Variants in ZDHHC15 observed in about 807,000 individuals in gnomAD.
ZDHHC15 encodes the protein zDHHC palmitoyltransferase 15, also known as palmitoyltransferase ZDHHC15.
Under a neutral mutation model 31.7 loss-of-function variants are expected in ZDHHC15, and 19 were observed. That is an observed-to-expected ratio of 0.60 (90% CI 0.42 to 0.88). The LOEUF (loss-of-function observed/expected upper bound fraction) is 0.88. Among genes scored for constraint, ZDHHC15 ranks in the 40% least tolerant of loss-of-function variants. ZDHHC15 has a pLI of 0.00. For missense variants in ZDHHC15, 209 were observed against 251.2 expected (o/e 0.83, Z 1.14); for synonymous variants, 103 against 90.0 (o/e 1.14, Z -0.82).
intron 11 of ZDHHC15, among the ~76,000 whole-genome samples, chrX:75,373,926 G>GGTTTTTTTTTTTTTTTTTT (rs2083027725): frequency 2.0e-5 from 1 of 50,456 alleles, no homozygotes; most frequent in African/African-American, 7.6e-5. Context: ...CATTCTTTCT[G>GGTTTTTTTTTTTTTTTTTT]TTTTTTTTTT....
intron 3 of ZDHHC15, among the ~76,000 whole-genome samples, chrX:75,473,895 T>C (rs1176094316): frequency 3.6e-5 from 4 of 112,287 alleles, no homozygotes; most frequent in Admixed American, 9.5e-5. Flanking sequence ...GTTAACTTTA[T>C]GTAATAGCAT....
chrX:75,428,964 A>G, intron 7 of ZDHHC15, 114 bp downstream of exon 7: 1 of 1,008,367 alleles, frequency 9.9e-7, no homozygotes, highest in Middle Eastern at 2.6e-4. Flanking sequence ...TCTTCCAGTT[A>G]CTTCAACAGT....
chrX:75,420,901 TG>T (rs762439687), intron 9 of ZDHHC15, among the ~76,000 whole-genome samples: 20 of 110,364 alleles, frequency 1.8e-4, no homozygotes, highest in Admixed American at 8.8e-4. Context: ...TGCATACCTA[TG>T]TAACAAACCT....
intron 4 of ZDHHC15, among the ~76,000 whole-genome samples, chrX:75,442,427 C>T (rs2083955949): frequency 8.9e-6 from 1 of 111,833 alleles, no homozygotes; most frequent in African/African-American, 3.2e-5. Context: ...CCAAAATCTC[C>T]TTAAGCTGAT....
At position 75,371,687 on chromosome X, in the gene ZDHHC15, G is replaced by A. The variant is rs1352297108; in HGVS notation, c.*1291C>T. ...AATTCCACTGATCTCTAAAAGAGTT[G>A]GAGCTTTTATTGTCAGCAGCTGGGC... is the stretch of plus-strand genomic sequence containing the variant. On this transcript the variant is annotated 3_prime_UTR_variant, in exon 12 of 12. Transcript: ENST00000373367. The A allele has an allele frequency of 9.0e-6, 1 of 111,455 alleles. No individual in the cohort carries two copies. 9.2% of individuals were successfully genotyped at this position (111,455 alleles called of 1,213,427 possible). A position where few individuals can be genotyped will look rare whatever the true frequency, so the allele number is the denominator to read the frequency against.
chrX:75,414,487 C>T (rs920928693), intron 10 of ZDHHC15, among the ~76,000 whole-genome samples: 3 of 89,043 alleles, frequency 3.4e-5, no homozygotes, highest in South Asian at 6.2e-4. Flanking sequence ...TGGAGTGCAG[C>T]GGCGCGATCT....
intron 2 of ZDHHC15, among the ~76,000 whole-genome samples, chrX:75,491,787 G>A (rs1207674206): frequency 9.0e-6 from 1 of 110,934 alleles, no homozygotes; most frequent in East Asian, 2.8e-4. Context: ...AGCTCCTGAA[G>A]GAAGCGCTAA....
chrX:75,433,738 C>T (rs1276346968), intron 4 of ZDHHC15, among the ~76,000 whole-genome samples: 1 of 107,486 alleles, frequency 9.3e-6, no homozygotes, highest in Non-Finnish European at 1.9e-5. Flanking sequence ...TCTTTATTCA[C>T]TCATTGGTTT....
chrX:75,467,272 C>T (rs73221909), intron 3 of ZDHHC15, among the ~76,000 whole-genome samples: 11,005 of 111,074 alleles, frequency 0.099, 449 homozygotes, highest in Non-Finnish European at 0.12. Flanking sequence ...TCTGGGATGT[C>T]CTTGGGAATA....
At position 75,482,137 on chromosome X, in the gene ZDHHC15, G is replaced by A. The variant is rs1440240364; in HGVS notation, c.164-3152C>T. 2.7e-5 allele frequency among the ~76,000 whole-genome samples: 3 copies of A among 110,626 alleles called. No individual in the cohort carries two copies. The East Asian group carries it at 8.5e-4, about 31-fold the overall frequency. ...GATGGAGACTACTGTGTTGGGGGGT[G>A]GGGAACAAGGGTTGAAAAACTACCT... On this transcript the variant is annotated intron_variant, in intron 2 of 11. Transcript: ENST00000373367.
At chrX:75,483,026 T>TAC (rs1363251297) in intron 2 of ZDHHC15, among the ~76,000 whole-genome samples, 2 of 104,536 alleles carry the variant, frequency 1.9e-5, no homozygotes, top group African/African-American at 3.5e-5. Context: ...TGTATATATA[T>TAC]ACACACACAT....
intron 7 of ZDHHC15, among the ~76,000 whole-genome samples, chrX:75,426,670 A>G (rs1394568983): frequency 9.0e-6 from 1 of 111,574 alleles, no homozygotes; most frequent in Admixed American, 9.6e-5. Context: ...GAAAAGCTCA[A>G]TCTCTTATCA....
rs2083012334 is a variant in ZDHHC15, at chrX:75,372,288, C to T, written c.*690G>A. The T allele has an allele frequency of 8.9e-6, 1 of 111,934 alleles. No individual in the cohort carries two copies. The highest frequency in any genetic ancestry group is 3.2e-5 in the African/African-American group (1 of 30,813). 9.2% of individuals were successfully genotyped at this position (111,934 alleles called of 1,213,427 possible). ...TGAGTAGCTGTGGTGCTTTCAGGAA[C>T]ATTTGTGACAGAACAGGTTTTACAT... On this transcript the variant is annotated 3_prime_UTR_variant, in exon 12 of 12. Coordinates refer to ENST00000373367, the MANE Select transcript of ZDHHC15 (RefSeq NM_144969.3).
At chrX:75,407,454 C>T (rs1408156090) in intron 10 of ZDHHC15, among the ~76,000 whole-genome samples, 6 of 99,421 alleles carry the variant, frequency 6.0e-5, no homozygotes, top group Non-Finnish European at 1.1e-4. Flanking sequence ...AGGCAGCCCC[C>T]GCCCGGTCAG....
intron 3 of ZDHHC15, among the ~76,000 whole-genome samples, chrX:75,477,771 T>C (rs755826955): frequency 8.9e-5 from 10 of 112,179 alleles, no homozygotes; most frequent in African/African-American, 2.9e-4. Flanking sequence ...TAGACTTTTG[T>C]AAACAGTATA....
intron 2 of ZDHHC15, among the ~76,000 whole-genome samples, chrX:75,495,573 C>A (rs1269842081): frequency 9.0e-6 from 1 of 110,802 alleles, no homozygotes; most frequent in Non-Finnish European, 1.9e-5. Flanking sequence ...AAATGTGGCA[C>A]ATACACACCA....
At chrX:75,398,118 C>G (rs1261949539) in intron 10 of ZDHHC15, among the ~76,000 whole-genome samples, 2 of 112,078 alleles carry the variant, frequency 1.8e-5, no homozygotes, top group African/African-American at 6.5e-5. Flanking sequence ...ACTTCCATGG[C>G]ACCTCACAAG....
At chrX:75,439,137 G>A (rs1418235420) in intron 4 of ZDHHC15, among the ~76,000 whole-genome samples, 1 of 111,266 alleles carries the variant, frequency 9.0e-6, no homozygotes, top group Non-Finnish European at 1.9e-5. Context: ...GTGCCTACCT[G>A]ATGATTTTTT....
At chrX:75,519,653 CT>C (rs1461771068) in intron 1 of ZDHHC15, among the ~76,000 whole-genome samples, 1 of 112,241 alleles carries the variant, frequency 8.9e-6, no homozygotes, top group African/African-American at 3.2e-5. Context: ...CTTAATGTTA[CT>C]TTTTGAGACA....
Sources: gnomAD v4.1 joint callset for allele counts (sites outside exome capture counted in the v4.1 genomes callset) on GRCh38, gnomAD v4.1.1 for gene constraint, MANE v1.5 for transcripts, NCBI Gene and HGNC (gene_info 2026-07-23, HGNC 2026-07-21) for gene names.